SLIT2: variants seen among roughly 807,000 people sequenced by gnomAD.
The protein encoded by SLIT2 is slit guidance ligand 2, also known as slit homolog 2 protein.
SLIT2 carries 41 observed loss-of-function variants against 185.7 expected under a neutral mutation model. That is an observed-to-expected ratio of 0.22 (90% CI 0.17 to 0.29). SLIT2 has a LOEUF of 0.29. SLIT2 is among the 10% of genes least tolerant of loss of function. The pLI is 1.00. For missense variants in SLIT2, 1,571 were observed against 1,909.0 expected, an observed-to-expected ratio of 0.82 and a Z score of 3.30; for synonymous variants, 693 against 680.2, an observed-to-expected ratio of 1.02 and a Z score of -0.29.
At chr4:20,499,654 A>C (rs1157478483) in intron 9 of SLIT2, among the ~76,000 whole-genome samples, 1 of 151,938 alleles carries the variant, frequency 6.6e-6, no homozygotes, top group Non-Finnish European at 1.5e-5. Context: ...ATACCCAGCT[A>C]GTTCTTTGTA....
chr4:20,417,777 C>T (rs1395292568), intron 4 of SLIT2, among the ~76,000 whole-genome samples: 1 of 151,832 alleles, frequency 6.6e-6, no homozygotes, highest in Non-Finnish European at 1.5e-5. Flanking sequence ...CTCAGCCTCC[C>T]AAAGTGCTGG....
At position 20,252,199 on chromosome 4, in the gene SLIT2, G is replaced by A. The variant is rs1722097171; in HGVS notation, c.-1617G>A. Among the ~76,000 whole-genome samples, 1 of 152,052 alleles carries A rather than the reference G, an allele frequency of 6.6e-6. No homozygotes were observed. Among genetic ancestry groups the A allele is most frequent in the Admixed American group, 6.5e-5 (1 of 15,280 alleles). ...CTACGCTGAGCGCCAGTCAGCCCCA[G>A]CGAACAACTCCAGTTACGACAACAA... On this transcript the variant is annotated 5_prime_UTR_variant, in exon 1 of 37. Transcript: ENST00000504154.
chr4:20,516,354 C>T (rs1055041434), intron 11 of SLIT2, among the ~76,000 whole-genome samples: 3 of 149,520 alleles, frequency 2.0e-5, no homozygotes, highest in Non-Finnish European at 2.9e-5. Flanking sequence ...TATAATAGTA[C>T]GTATGTATAT....
At chr4:20,344,356 A>G (rs1166451151) in intron 4 of SLIT2, among the ~76,000 whole-genome samples, 1 of 152,124 alleles carries the variant, frequency 6.6e-6, no homozygotes, top group Non-Finnish European at 1.5e-5. Flanking sequence ...GCAATTTGGG[A>G]AGAATTCTTG....
chr4:20,277,878 A>T (rs1389446697), intron 4 of SLIT2, among the ~76,000 whole-genome samples: 2 of 151,682 alleles, frequency 1.3e-5, no homozygotes, highest in Admixed American at 1.3e-4. Context: ...AAATGCTTTT[A>T]TTTACTCTTG....
intron 29 of SLIT2, among the ~76,000 whole-genome samples, chr4:20,573,954 AT>A (rs1725849632): frequency 6.7e-6 from 1 of 150,122 alleles, no homozygotes; most frequent in Non-Finnish European, 1.5e-5. Flanking sequence ...TTATTTATTT[AT>A]TTATTTATTT....
At position 20,350,855 on chromosome 4, in the gene SLIT2, A is replaced by C. The variant is rs571837566; in HGVS notation, c.395+81974A>C. Among the ~76,000 whole-genome samples the C allele has an allele frequency of 3.9e-4, 60 of 152,224 alleles. 2 individuals are homozygous for C. Among genetic ancestry groups the C allele is most frequent in the Admixed American group, 3.1e-3 (47 of 15,292 alleles). On this transcript the variant is annotated intron_variant, in intron 4 of 36. Coordinates refer to ENST00000504154, the MANE Select transcript of SLIT2 (RefSeq NM_004787.4). ...AAAAAATAAAGAGTTAAATAATTTC[A>C]ACTTTTACTTATAAAAGTAATATAA...
rs141271029 is a variant in SLIT2 at position 20,456,365 on chromosome 4, G to A, written c.396-11387G>A. Among the ~76,000 whole-genome samples the A allele has an allele frequency of 2.9e-4, 44 of 151,920 alleles. 1 individual carries two copies. Among genetic ancestry groups the A allele is most frequent in the Middle Eastern group, 3.4e-3 (1 of 290 alleles). ...ACCTTTGTCTCTTCTTTCCATTGTG[G>A]TCTCCTTTTTAGAAATAATTGTCCA... On this transcript the variant is annotated intron_variant, in intron 4 of 36. Transcript: ENST00000504154.
chr4:20,603,521 CAT>C lies in SLIT2; in HGVS notation c.3692+5128_3692+5129del, dbSNP rs201890030. Among the ~76,000 whole-genome samples the C allele has an allele frequency of 5.9e-3, 895 of 152,254 alleles. 10 individuals carry two copies. The highest frequency in any genetic ancestry group is 0.02 in the African/African-American group (829 of 41,546). On this transcript the variant is annotated intron_variant, in intron 33 of 36. Coordinates refer to ENST00000504154, the MANE Select transcript of SLIT2 (RefSeq NM_004787.4). ...GTGAGTTTCTTTTCATCTAGAAAAA[CAT>C]AAACTTTTTTTAACAAAAGTTATTA...
chr4:20,451,227 A>C (rs1028017020), intron 4 of SLIT2, among the ~76,000 whole-genome samples: 28 of 152,170 alleles, frequency 1.8e-4, no homozygotes, highest in Non-Finnish European at 2.5e-4. Context: ...GCTGTCACTC[A>C]GTCACACTTA....
intron 6 of SLIT2, among the ~76,000 whole-genome samples, chr4:20,485,407 A>G (rs1185015349): frequency 6.6e-6 from 1 of 152,158 alleles, no homozygotes; most frequent in Non-Finnish European, 1.5e-5. Context: ...AGTAGTAATA[A>G]TCAATAATAA....
intron 11 of SLIT2, among the ~76,000 whole-genome samples, chr4:20,514,343 A>C (rs1720006249): frequency 6.6e-6 from 1 of 152,182 alleles, no homozygotes; most frequent in Admixed American, 6.5e-5. Context: ...CATTCTACTT[A>C]AAAAATAAAA....
intron 12 of SLIT2, among the ~76,000 whole-genome samples, chr4:20,523,143 A>G (rs1720980445): frequency 6.6e-6 from 1 of 152,092 alleles, no homozygotes. Flanking sequence ...AAAGAATAGG[A>G]GAGCCTGGTG....
intron 4 of SLIT2, among the ~76,000 whole-genome samples, chr4:20,426,613 A>G (rs779336872): frequency 6.6e-6 from 1 of 152,146 alleles, no homozygotes; most frequent in East Asian, 1.9e-4. Flanking sequence ...GAGTAGCTTT[A>G]GGTTTTGGAA....
chr4:20,611,403 G>C (rs1729213507), intron 34 of SLIT2, among the ~76,000 whole-genome samples: 1 of 152,120 alleles, frequency 6.6e-6, no homozygotes, highest in African/African-American at 2.4e-5. Context: ...CCACATACTA[G>C]GAACTAAGTA....
At chr4:20,554,757 T>C (rs1465471117) in intron 26 of SLIT2, among the ~76,000 whole-genome samples, 2 of 150,194 alleles carry the variant, frequency 1.3e-5, no homozygotes, top group Non-Finnish European at 2.9e-5. Context: ...GGGGGGCTTT[T>C]GTTTTGTTTT....
chr4:20,605,213 TTA>T (rs1169255933), intron 33 of SLIT2, among the ~76,000 whole-genome samples: 2 of 152,164 alleles, frequency 1.3e-5, no homozygotes, highest in Non-Finnish European at 2.9e-5. Context: ...CAGAAATACA[TTA>T]TGTTTATCAT....
At chr4:20,276,132 AT>A (rs752692932) in intron 4 of SLIT2, among the ~76,000 whole-genome samples, 3 of 152,178 alleles carry the variant, frequency 2.0e-5, no homozygotes, top group Non-Finnish European at 2.9e-5. Context: ...ACTACTAATT[AT>A]GTCAAAATCC....
At chr4:20,480,200 C>T (rs755440553) in intron 5 of SLIT2, among the ~76,000 whole-genome samples, 4 of 152,044 alleles carry the variant, frequency 2.6e-5, no homozygotes, top group East Asian at 1.9e-4. Context: ...TTCCCTTTCT[C>T]GATTTGGAGT....
Sources: allele counts gnomAD v4.1 joint callset (sites outside exome capture counted in the v4.1 genomes callset), GRCh38; gene constraint gnomAD v4.1.1; transcripts MANE v1.5; gene names NCBI Gene and HGNC (gene_info 2026-07-23, HGNC 2026-07-21).